Variants in SLC22A15 observed in about 807,000 individuals in gnomAD.
The protein encoded by SLC22A15 is flipt 1.
SLC22A15 carries 45 observed loss-of-function variants against 62.7 expected under a neutral mutation model. The ratio of observed to expected loss-of-function variants is 0.72; its 90% CI spans 0.56 to 0.92. The LOEUF (loss-of-function observed/expected upper bound fraction) is 0.92, where lower values mean the gene tolerates loss of function less well. Ranked by LOEUF, SLC22A15 falls within the 40% of genes least tolerant of loss-of-function variation. The pLI, the probability that SLC22A15 is intolerant of heterozygous loss-of-function variation, is 0.00. For missense variants in SLC22A15, 622 were observed against 665.6 expected, an observed-to-expected ratio of 0.93 and a Z score of 0.72; for synonymous variants, 264 against 267.0, an observed-to-expected ratio of 0.99 and a Z score of 0.11.
intron 2 of SLC22A15, among the ~76,000 whole-genome samples, chr1:116,009,324 A>G (rs1018891258): frequency 2.7e-5 from 4 of 147,778 alleles, no homozygotes; most frequent in African/African-American, 1.1e-4. Context: ...AGTGTGAATT[A>G]TATGTTAGTT....
At chr1:116,009,282 T>C (rs12057145) in intron 2 of SLC22A15, among the ~76,000 whole-genome samples, 2,976 of 151,990 alleles carry the variant, frequency 0.02, 97 homozygotes, top group African/African-American at 0.068. Context: ...CAATGAAGTG[T>C]CTGTGCTGTG....
At chr1:116,029,074 A>T (rs1570749850) in intron 5 of SLC22A15, among the ~76,000 whole-genome samples, 1 of 152,024 alleles carries the variant, frequency 6.6e-6, no homozygotes, top group East Asian at 1.9e-4. Flanking sequence ...CCATGATAAC[A>T]TTTTCCCCAG....
chr1:116,027,411 C>A, intron 5 of SLC22A15: 1 of 503,796 alleles, frequency 2.0e-6, no homozygotes, highest in Non-Finnish European at 4.0e-6. Flanking sequence ...GTAGTGACAA[C>A]TGTTCATCCT....
chr1:116,004,806 T>C (rs1655896478), intron 2 of SLC22A15, among the ~76,000 whole-genome samples: 1 of 152,212 alleles, frequency 6.6e-6, no homozygotes, highest in Non-Finnish European at 1.5e-5. Context: ...TCTGTACCTG[T>C]AGATTTCCTT....
chr1:116,057,280 T>C (rs1387513244), intron 8 of SLC22A15, among the ~76,000 whole-genome samples: 3 of 152,204 alleles, frequency 2.0e-5, no homozygotes, highest in Admixed American at 6.5e-5. Context: ...AGAAGACATT[T>C]ATGTAGCCAA....
chr1:116,013,749 A>G lies in SLC22A15; in HGVS notation c.301-5833A>G, dbSNP rs1276201158. 9 of 152,316 alleles carry G rather than the reference A, an allele frequency of 5.9e-5. No individual in the cohort carries two copies. The East Asian group carries it at 1.5e-3, about 26-fold the overall frequency. 9.4% of individuals were successfully genotyped at this position (152,316 alleles called of 1,614,324 possible). A position where few individuals can be genotyped will look rare whatever the true frequency, so the allele number is the denominator to read the frequency against. On this transcript the variant is annotated intron_variant, in intron 2 of 11. Coordinates refer to ENST00000369503, the MANE Select transcript of SLC22A15 (RefSeq NM_018420.3). ...TTTTATGATTTTAAGAGAGATGCTAAAGATACATTTGGTTGCTTCCTTTAA... is the reference window on the plus strand; with the variant it reads ...TTTTATGATTTTAAGAGAGATGCTAGAGATACATTTGGTTGCTTCCTTTAA...
chr1:116,006,513 C>T (rs1655992320), intron 2 of SLC22A15, among the ~76,000 whole-genome samples: 1 of 152,194 alleles, frequency 6.6e-6, no homozygotes, highest in Non-Finnish European at 1.5e-5. Flanking sequence ...GAATTAAGGG[C>T]TGAGACAGCC....
chr1:116,022,632 T>C (rs1341036006), intron 4 of SLC22A15, among the ~76,000 whole-genome samples: 1 of 152,238 alleles, frequency 6.6e-6, no homozygotes, highest in Non-Finnish European at 1.5e-5. Context: ...GGACCAACCC[T>C]GGTCTCTTGC....
At chr1:116,028,975 T>C (rs1238723131) in intron 5 of SLC22A15, among the ~76,000 whole-genome samples, 1 of 152,172 alleles carries the variant, frequency 6.6e-6, no homozygotes, top group Non-Finnish European at 1.5e-5. Flanking sequence ...CCCATACCCT[T>C]TGAGTGGCCC....
chr1:116,066,707 A>G lies in SLC22A15; in HGVS notation c.1553A>G (p.Gln518Arg). The G allele has an allele frequency of 1.2e-6, 2 of 1,609,372 alleles. No individual in the cohort carries two copies. The highest frequency in any genetic ancestry group is 1.1e-5 in the South Asian group (1 of 90,002). Reference sequence around the variant, plus strand: ...TCTTTACAGGCTTTGGACCCCCAACAGGTGTGATATTTTTCTTAATTATTA... The same window carrying G: ...TCTTTACAGGCTTTGGACCCCCAACGGGTGTGATATTTTTCTTAATTATTA... ...ALSLQALDPQ[Q>R]CVDKESSLGS... Residue 518 changes from glutamine to arginine, a missense_variant and splice_region_variant, in exon 11 of 12, where the codon CAG (glutamine) becomes CGG (arginine). By Grantham distance (43) the Gln-to-Arg change is conservative (BLOSUM62 1). Transcript: ENST00000369503.
At chr1:116,008,277 G>A (rs1656083921) in intron 2 of SLC22A15, among the ~76,000 whole-genome samples, 1 of 152,204 alleles carries the variant, frequency 6.6e-6, no homozygotes, top group Non-Finnish European at 1.5e-5. Flanking sequence ...AATCTTTGTG[G>A]CAAGTAATCT....
chr1:116,037,116 T>G (rs1439400397), intron 7 of SLC22A15, among the ~76,000 whole-genome samples, 187 bp from the exon 8 acceptor site: 9 of 152,204 alleles, frequency 5.9e-5, no homozygotes, highest in Admixed American at 5.9e-4. Flanking sequence ...CAACTTTCCC[T>G]TTGTTTTATA....
In SLC22A15 at chr1:115,985,922, C is replaced by T. The variant is rs1007360100; in HGVS notation, c.88-6109C>T. On this transcript the variant is annotated intron_variant, in intron 1 of 11. Coordinates refer to ENST00000369503, the MANE Select transcript of SLC22A15 (RefSeq NM_018420.3). ...GATCGCGCCACTGTACTCCAGCCTG[C>T]GTGACAGAGCGAGACTCCATCTCAA... Among the ~76,000 whole-genome samples, 14 of 125,084 alleles carry T rather than the reference C, an allele frequency of 1.1e-4. No individual in the cohort carries two copies. The Admixed American group carries it at 1.4e-3, about 12-fold the overall frequency. The allele number at this position is 125,084 out of a possible 152,430, so 82.1% of individuals were successfully genotyped here. A position where few individuals can be genotyped will look rare whatever the true frequency, so the allele number is the denominator to read the frequency against.
chr1:116,044,202 TAAAC>T (rs1275372641), intron 8 of SLC22A15, among the ~76,000 whole-genome samples: 4 of 152,166 alleles, frequency 2.6e-5, no homozygotes, highest in Non-Finnish European at 4.4e-5. Context: ...GTAAAAATCT[TAAAC>T]AAAATATTAG....
intron 2 of SLC22A15, among the ~76,000 whole-genome samples, chr1:116,011,177 T>A (rs1656235048): frequency 6.6e-6 from 1 of 152,196 alleles, no homozygotes; most frequent in African/African-American, 2.4e-5. Flanking sequence ...CTGCCTGGCT[T>A]GCAGGTTCCT....
chr1:115,996,059 C>T (rs1655406689), intron 2 of SLC22A15, among the ~76,000 whole-genome samples: 2 of 152,156 alleles, frequency 1.3e-5, no homozygotes, highest in African/African-American at 4.8e-5. Flanking sequence ...CATCCCTTAC[C>T]CTTTTCTTAA....
intron 5 of SLC22A15, among the ~76,000 whole-genome samples, chr1:116,028,635 A>G (rs1239208082): frequency 6.6e-6 from 1 of 151,826 alleles, no homozygotes; most frequent in Non-Finnish European, 1.5e-5. Flanking sequence ...TGAAAAATAG[A>G]AAGCAGAGAG....
intron 6 of SLC22A15, among the ~76,000 whole-genome samples, chr1:116,034,829 T>C (rs1657573193): frequency 1.3e-5 from 2 of 152,248 alleles, no homozygotes; most frequent in South Asian, 4.1e-4. Flanking sequence ...ATAACAAGTG[T>C]TCCATAAATT....
At chr1:116,026,578 G>A (rs1038598904) in intron 4 of SLC22A15, among the ~76,000 whole-genome samples, 1 of 152,188 alleles carries the variant, frequency 6.6e-6, no homozygotes, top group African/African-American at 2.4e-5. Context: ...CTCAGCCAGA[G>A]GTTCAGGCAA....
Sources: allele counts gnomAD v4.1 joint callset (sites outside exome capture counted in the v4.1 genomes callset), GRCh38; gene constraint gnomAD v4.1.1; transcripts MANE v1.5; gene names NCBI Gene and HGNC (gene_info 2026-07-23, HGNC 2026-07-21).